Variants in TEX10 observed in about 807,000 individuals in gnomAD.
The protein encoded by TEX10 is testis-expressed protein 10.
In TEX10, 24 loss-of-function variants were observed where a neutral mutation model predicts 104.4. That is an observed-to-expected ratio of 0.23 (90% CI 0.17 to 0.32). TEX10 has a LOEUF of 0.32. Ranked by LOEUF, TEX10 falls within the 10% of genes least tolerant of loss-of-function variation. TEX10 has a pLI of 1.00. For synonymous variants in TEX10, 396 were observed against 393.4 expected, an observed-to-expected ratio of 1.01 and a Z score of -0.08; for missense variants, 921 against 1,083.9, an observed-to-expected ratio of 0.85 and a Z score of 2.11.
chr9:100,323,077 T>G (rs977183705), intron 9 of TEX10, among the ~76,000 whole-genome samples: 54 of 152,168 alleles, frequency 3.5e-4, no homozygotes, highest in African/African-American at 1.3e-3. Flanking sequence ...AAATAGTGGT[T>G]GAAAAACAAA....
chr9:100,313,522 AAAAAAGAAAAAG>A (rs532769922), intron 11 of TEX10, among the ~76,000 whole-genome samples: 17 of 151,656 alleles, frequency 1.1e-4, no homozygotes, highest in African/African-American at 3.9e-4. Context: ...TCAAAAAAAA[AAAAAAGAAAAAG>A]AAAAAGAAAA....
At chr9:100,303,497 T>A in intron 14 of TEX10, 135 bp downstream of exon 14, 1 of 746,062 alleles carries the variant, frequency 1.3e-6, no homozygotes. Context: ...CCTGAGAAAC[T>A]ACCATATTGG....
rs1217411523 is a variant in TEX10 at position 100,349,341 on chromosome 9, T to C, written c.23A>G (p.Gln8Arg). The change falls in exon 2 of 15, where the codon CAA becomes CGA. Residue 8 changes from glutamine (Q) to arginine (R), a missense_variant. Transcript: ENST00000374902. The stretch of plus-strand genomic sequence containing the variant: ...CAATTTTACTTTTTGAAAATCATGT[T>C]GGCGTTTTCTTTTTTTAGTCATTCT... MTKKRKR[Q>R]HDFQKVKLKV... is the part of the protein sequence containing the mutation. 1.9e-6 allele frequency: 3 copies of C among 1,586,682 alleles called. No individual in the cohort carries two copies. In the East Asian group the frequency reaches 6.7e-5, roughly 35 times the overall value.
At chr9:100,319,659 AG>A (rs1235023947) in intron 11 of TEX10, among the ~76,000 whole-genome samples, 2 of 151,932 alleles carry the variant, frequency 1.3e-5, no homozygotes, top group Non-Finnish European at 2.9e-5. Flanking sequence ...ACAAAAAATT[AG>A]CCAGGTGCAG....
At position 100,329,918 on chromosome 9, in the gene TEX10, T is replaced by A; in HGVS notation, c.1489+13A>T. The A allele has an allele frequency of 6.3e-7, 1 of 1,593,706 alleles. No individual in the cohort carries two copies. Among genetic ancestry groups the A allele is most frequent in the Non-Finnish European group, 8.6e-7 (1 of 1,167,542 alleles). On this transcript the variant is annotated intron_variant, in intron 6 of 14. Coordinates refer to ENST00000374902, the MANE Select transcript of TEX10 (RefSeq NM_017746.4). The stretch of plus-strand genomic sequence containing the variant: ...GCTCCACTCTTAAATAAGGGCAAAG[T>A]AGCATCACCTACCTCTGTTTGGCTG...
chr9:100,304,167 C>T (rs1197743583), intron 13 of TEX10: 2 of 354,482 alleles, frequency 5.6e-6, no homozygotes, highest in Non-Finnish European at 1.1e-5. Flanking sequence ...AAAATGGCCA[C>T]ACTGCTCAAA....
chr9:100,318,321 G>A (rs1834471911), intron 11 of TEX10, among the ~76,000 whole-genome samples: 1 of 152,176 alleles, frequency 6.6e-6, no homozygotes, highest in South Asian at 2.1e-4. Flanking sequence ...CAGCAATATG[G>A]ATATAACGGA....
chr9:100,320,756 C>T (rs1834548722), intron 10 of TEX10, among the ~76,000 whole-genome samples: 1 of 152,132 alleles, frequency 6.6e-6, no homozygotes, highest in African/African-American at 2.4e-5. Flanking sequence ...TAATATACTC[C>T]TACATATATA....
chr9:100,318,765 A>G (rs989289227), intron 11 of TEX10, among the ~76,000 whole-genome samples: 2 of 152,216 alleles, frequency 1.3e-5, no homozygotes, highest in African/African-American at 4.8e-5. Context: ...TATAATTCCA[A>G]TTTAAAACAT....
chr9:100,336,120 T>G (rs1181488966), intron 5 of TEX10, among the ~76,000 whole-genome samples: 2 of 152,024 alleles, frequency 1.3e-5, no homozygotes, highest in South Asian at 4.1e-4. Flanking sequence ...TGAGCTGAGA[T>G]AGTGCCACTG....
chr9:100,331,757 C>T (rs1449376501), intron 5 of TEX10, among the ~76,000 whole-genome samples: 4 of 152,132 alleles, frequency 2.6e-5, no homozygotes, highest in East Asian at 3.9e-4. Context: ...TGTGTGGATA[C>T]GAAAAGGACA....
At chr9:100,331,844 G>A (rs895068536) in intron 5 of TEX10, among the ~76,000 whole-genome samples, 1 of 152,174 alleles carries the variant, frequency 6.6e-6, no homozygotes, top group Non-Finnish European at 1.5e-5. Flanking sequence ...GTCAATACTG[G>A]TATGAACTGG....
chr9:100,346,720 T>C lies in TEX10; in HGVS notation c.867A>G (p.Pro289=). The change falls in exon 3 of 15, where the codon CCA becomes CCG. Residue 289 remains proline (P), a synonymous_variant. Coordinates refer to ENST00000374902, the MANE Select transcript of TEX10 (RefSeq NM_017746.4). ...GTAGCCTGAACTGTGAACTGACATT[T>C]GGCTGTGAACCCCCATTTTCATAAA... The part of the protein sequence containing the change: ...IQVYENGGSQ[P]NVSSQFRLRY... 1 of 1,613,476 alleles carries C rather than the reference T, an allele frequency of 6.2e-7. No individual in the cohort carries two copies. Among genetic ancestry groups the C allele is most frequent in the Non-Finnish European group, 8.5e-7 (1 of 1,179,622 alleles).
At chr9:100,321,629 T>C (rs1834575086) in intron 10 of TEX10, 54 bp downstream of exon 10, 5 of 1,380,552 alleles carry the variant, frequency 3.6e-6, no homozygotes, top group Admixed American at 1.8e-5. Flanking sequence ...AGAAGGAGAA[T>C]TGTGATTCAT....
rs776454446 is a variant in TEX10 at position 100,330,151 on chromosome 9, A to T, written c.1269T>A (p.Val423=). The part of the protein sequence containing the change: ...EPNKSIKHCT[V]LSNNIDHLLL... ...AGAGATGATCTATGTTATTGGAGAG[A>T]ACTGTGCAATGCTTGATGCTAGAAA... The change falls in exon 6 of 15, where the codon GTT becomes GTA. Residue 423 remains valine, a synonymous_variant. Coordinates refer to ENST00000374902, the MANE Select transcript of TEX10 (RefSeq NM_017746.4). 3 of 1,611,486 alleles carry T rather than the reference A, an allele frequency of 1.9e-6. No individual in the cohort carries two copies. Among genetic ancestry groups the T allele is most frequent in the Non-Finnish European group, 2.5e-6 (3 of 1,178,226 alleles).
rs776845922 is a variant in TEX10, at chr9:100,303,809, C to T, written c.2499G>A (p.Leu833=). 8 of 1,614,044 alleles carry T rather than the reference C, an allele frequency of 5.0e-6. No individual in the cohort carries two copies. The highest frequency in any genetic ancestry group is 6.8e-6 in the Non-Finnish European group (8 of 1,180,020). ...ACCTGAGGACTCGAGGCAAGAGAGC[C>T]AGGATGGAGACACAGACCCCCCACA... ...DKLWGVCVSI[L]ALLPRVLRLM... The change falls in exon 14 of 15, where the codon CTG becomes CTA. Residue 833 remains leucine (L), a synonymous_variant. Coordinates refer to ENST00000374902, the MANE Select transcript of TEX10 (RefSeq NM_017746.4).
intron 4 of TEX10, among the ~76,000 whole-genome samples, 183 bp downstream of exon 4, chr9:100,345,889 A>G (rs1164786571): frequency 6.6e-6 from 1 of 152,044 alleles, no homozygotes; most frequent in African/African-American, 2.4e-5. Context: ...ATATATATTC[A>G]CAGATAATAA....
rs770255514 is a variant in TEX10 at position 100,303,826 on chromosome 9, C to T, written c.2482G>A (p.Val828Ile). 2 of 1,613,738 alleles carry T rather than the reference C, an allele frequency of 1.2e-6. No homozygotes were observed. The highest frequency in any genetic ancestry group is 4.5e-5 in the East Asian group (2 of 44,878). The change falls in exon 14 of 15, where the codon GTC (valine) becomes ATC (isoleucine). Residue 828 changes from valine to isoleucine, a missense_variant. Around this residue, in one of 3 missense-constraint regions of TEX10, gnomAD observed 753 missense variants for 868.4 expected, o/e 0.87. Coordinates refer to ENST00000374902, the MANE Select transcript of TEX10 (RefSeq NM_017746.4). ...HLRKRDKLWG[V>I]CVSILALLPR... ...AAGAGAGCCAGGATGGAGACACAGA[C>T]CCCCCACAGCTTGTCCCTACAATAA...
At chr9:100,313,250 C>T (rs371004208) in intron 11 of TEX10, among the ~76,000 whole-genome samples, 1 of 152,076 alleles carries the variant, frequency 6.6e-6, no homozygotes, top group African/African-American at 2.4e-5. Flanking sequence ...CATGGTGGCT[C>T]ATGCCTGTAA....
Sources: allele counts gnomAD v4.1 joint callset (sites outside exome capture counted in the v4.1 genomes callset), GRCh38; gene constraint gnomAD v4.1.1; regional missense constraint gnomAD v4.1.1; transcripts MANE v1.5; gene names NCBI Gene and HGNC (gene_info 2026-07-23, HGNC 2026-07-21).